NRG1: variants seen among roughly 807,000 people sequenced by gnomAD.
NRG1 encodes the protein pro-neuregulin-1, membrane-bound isoform.
A neutral mutation model predicts 63.8 loss-of-function variants in NRG1; 18 were observed. The ratio of observed to expected loss-of-function variants is 0.28; its 90% CI spans 0.19 to 0.42. The LOEUF is 0.42. Among genes scored for constraint, NRG1 ranks in the 10% least tolerant of loss-of-function variants. The probability of loss-of-function intolerance (pLI) is 1.00; values close to 1 mark genes in which losing one functional copy is unlikely to be tolerated. For synonymous variants in NRG1, 302 were observed against 301.3 expected (o/e 1.00, Z -0.02); for missense variants, 762 against 814.7 (o/e 0.94, Z 0.79).
chr8:32,637,208 G>A (rs1371036398), intron 5 of NRG1, among the ~76,000 whole-genome samples: 1 of 151,320 alleles, frequency 6.6e-6, no homozygotes, highest in Admixed American at 6.6e-5. Context: ...TTTGCTTACT[G>A]AGTGTCTACC....
chr8:32,390,284 T>A (rs1811557591), intron 1 of NRG1, among the ~76,000 whole-genome samples: 1 of 152,128 alleles, frequency 6.6e-6, no homozygotes, highest in Non-Finnish European at 1.5e-5. Context: ...GCAGTCTTTT[T>A]CCCATAAGAC....
intron 1 of NRG1, among the ~76,000 whole-genome samples, chr8:31,801,693 A>G (rs1449359642): frequency 1.3e-5 from 2 of 152,236 alleles, no homozygotes; most frequent in Admixed American, 1.3e-4. Context: ...TGAAATTGTA[A>G]GAATTTATAA....
chr8:32,313,410 A>G (rs1462209239), intron 1 of NRG1, among the ~76,000 whole-genome samples: 2 of 152,176 alleles, frequency 1.3e-5, no homozygotes, highest in Non-Finnish European at 2.9e-5. Flanking sequence ...ATTTCTAGGA[A>G]GAAATTAGGT....
intron 1 of NRG1, among the ~76,000 whole-genome samples, chr8:32,474,087 A>G (rs1433831042): frequency 6.6e-6 from 1 of 152,204 alleles, no homozygotes; most frequent in Non-Finnish European, 1.5e-5. Flanking sequence ...AAATGTGTTT[A>G]TAGTAATATA....
At chr8:31,643,872 C>T (rs1255685986) in intron 1 of NRG1, among the ~76,000 whole-genome samples, 1 of 152,218 alleles carries the variant, frequency 6.6e-6, no homozygotes, top group Admixed American at 6.5e-5. Flanking sequence ...GGTTGAATAA[C>T]ATCTACAATT....
At chr8:31,657,848 C>T (rs1016355048) in intron 1 of NRG1, among the ~76,000 whole-genome samples, 1 of 152,168 alleles carries the variant, frequency 6.6e-6, no homozygotes, top group Non-Finnish European at 1.5e-5. Context: ...CTTTATTTGC[C>T]TCCAGGTCAT....
At chr8:32,756,640 TG>T in intron 9 of NRG1, 111 bp downstream of exon 9, 1 of 1,405,398 alleles carries the variant, frequency 7.1e-7, no homozygotes, top group Non-Finnish European at 9.4e-7. Flanking sequence ...TTAATCACCA[TG>T]GCTTCCAGGA....
At chr8:31,873,243 G>T (rs1274078922) in intron 1 of NRG1, among the ~76,000 whole-genome samples, 1 of 152,046 alleles carries the variant, frequency 6.6e-6, no homozygotes, top group Non-Finnish European at 1.5e-5. Context: ...TTATTTCACT[G>T]CTAGAGCAAT....
At chr8:31,843,747 G>A (rs1004051367) in intron 1 of NRG1, among the ~76,000 whole-genome samples, 1 of 152,092 alleles carries the variant, frequency 6.6e-6, no homozygotes, top group African/African-American at 2.4e-5. Context: ...ATGATACTTT[G>A]TGATCTACAT....
At chr8:31,889,825 C>T (rs530128552) in intron 1 of NRG1, among the ~76,000 whole-genome samples, 6 of 152,256 alleles carry the variant, frequency 3.9e-5, no homozygotes, top group African/African-American at 1.4e-4. Flanking sequence ...GAGGGACTTA[C>T]TGGTTTGCAT....
chr8:32,061,054 A>G (rs899436638), intron 1 of NRG1, among the ~76,000 whole-genome samples: 1 of 151,912 alleles, frequency 6.6e-6, no homozygotes, highest in South Asian at 2.1e-4. Context: ...ACTATTATAT[A>G]CTATACTTAT....
chr8:32,392,416 G>A (rs1310950659), intron 1 of NRG1, among the ~76,000 whole-genome samples: 7 of 152,202 alleles, frequency 4.6e-5, no homozygotes, highest in South Asian at 4.1e-4. Flanking sequence ...ACATGGGAAG[G>A]CAGTACTTTT....
At chr8:32,201,195 T>G (rs1289516613) in intron 1 of NRG1, among the ~76,000 whole-genome samples, 1 of 152,176 alleles carries the variant, frequency 6.6e-6, no homozygotes, top group Non-Finnish European at 1.5e-5. Flanking sequence ...TATGCATTGG[T>G]TAGCTTCTTT....
chr8:31,697,248 A>G (rs947428640), intron 1 of NRG1, among the ~76,000 whole-genome samples: 6 of 152,232 alleles, frequency 3.9e-5, no homozygotes, highest in African/African-American at 9.6e-5. Flanking sequence ...TTGGAGACCA[A>G]TGATCCTATA....
Position 32,259,794 on chromosome 8 carries a change from A to G in NRG1, c.38-336034A>G, listed in dbSNP as rs576725818. Among the ~76,000 whole-genome samples the G allele has an allele frequency of 2.0e-5, 3 of 152,292 alleles. No individual in the cohort carries two copies. In the South Asian group the frequency reaches 6.2e-4, roughly 32 times the overall value. The stretch of plus-strand genomic sequence containing the variant: ...AACCTGTGGGTTTTACCCTTGTTCC[A>G]GTTTACATAATCACATTCCAAATTA... On this transcript the variant is annotated intron_variant, in intron 1 of 10. Transcript: ENST00000519301.
At chr8:32,170,135 T>G (rs1227780857) in intron 1 of NRG1, among the ~76,000 whole-genome samples, 1 of 152,198 alleles carries the variant, frequency 6.6e-6, no homozygotes, top group East Asian at 1.9e-4. Context: ...GACAACACTG[T>G]GATTTCAGAC....
chr8:31,664,021 A>C (rs780352938), intron 1 of NRG1, among the ~76,000 whole-genome samples: 15 of 151,960 alleles, frequency 9.9e-5, no homozygotes, highest in Non-Finnish European at 2.2e-4. Flanking sequence ...AATTACTGGT[A>C]TTCTCTGGTT....
chr8:32,227,264 C>T (rs775096819), intron 1 of NRG1, among the ~76,000 whole-genome samples: 9 of 152,250 alleles, frequency 5.9e-5, no homozygotes, highest in Middle Eastern at 3.4e-3. Flanking sequence ...AGTTCATTCA[C>T]TAGTCAAAGA....
intron 1 of NRG1, among the ~76,000 whole-genome samples, chr8:31,982,958 G>T (rs1809412099): frequency 6.6e-6 from 1 of 152,014 alleles, no homozygotes; most frequent in African/African-American, 2.4e-5. Flanking sequence ...ATGGAGAAGG[G>T]ATTCTTTTGC....
Sources: gnomAD v4.1 joint callset for allele counts (sites outside exome capture counted in the v4.1 genomes callset) on GRCh38, gnomAD v4.1.1 for gene constraint, MANE v1.5 for transcripts, NCBI Gene and HGNC (gene_info 2026-07-23, HGNC 2026-07-21) for gene names.